The following USP48 variants were observed in gnomAD, a reference collection of about 807,000 sequenced individuals.
USP48 encodes the protein ubiquitin specific peptidase 48, also known as ubiquitin carboxyl-terminal hydrolase 48.
In USP48, 43 loss-of-function variants were observed where a neutral mutation model predicts 150.7. That is an observed-to-expected ratio of 0.29 (90% CI 0.22 to 0.37). The LOEUF is 0.37. USP48 is among the 10% of genes least tolerant of loss of function. The pLI, the probability that USP48 is intolerant of heterozygous loss-of-function variation, is 1.00. For synonymous variants in USP48, 396 were observed against 425.9 expected, an observed-to-expected ratio of 0.93 and a Z score of 0.86; for missense variants, 813 against 1,249.6, an observed-to-expected ratio of 0.65 and a Z score of 5.27.
At chr1:21,720,898 C>G in intron 14 of USP48, 138 bp downstream of exon 14, 1 of 1,154,102 alleles carries the variant, frequency 8.7e-7, no homozygotes, top group Admixed American at 2.3e-5. Context: ...GGGGCTGGCA[C>G]AACCGCTGGG....
At chr1:21,720,530 T>C (rs2097717391) in intron 14 of USP48, among the ~76,000 whole-genome samples, 2 of 148,134 alleles carry the variant, frequency 1.4e-5, no homozygotes, top group Non-Finnish European at 3.0e-5. Flanking sequence ...TTTTTCTTTT[T>C]CTTTTTTTTT....
At position 21,700,439 on chromosome 1, in the gene USP48, C is replaced by T. The variant is rs1015922483; in HGVS notation, c.2727+1059G>A. On this transcript the variant is annotated intron_variant, in intron 22 of 26. Transcript: ENST00000308271. ...GGGCACACCAAGATTCAAATCAAGACGGCTTTTCAGACTCTCTCAATCAAT... is the reference window on the plus strand; with the variant it reads ...GGGCACACCAAGATTCAAATCAAGATGGCTTTTCAGACTCTCTCAATCAAT... Among the ~76,000 whole-genome samples, 6 of 152,168 alleles carry T rather than the reference C, an allele frequency of 3.9e-5. No individual in the cohort carries two copies. In the South Asian group the frequency reaches 1.2e-3, roughly 32 times the overall value.
intron 1 of USP48, among the ~76,000 whole-genome samples, chr1:21,758,361 T>C (rs1201920579): frequency 6.6e-6 from 1 of 152,186 alleles, no homozygotes; most frequent in South Asian, 2.1e-4. Context: ...AAAATATACA[T>C]GTACATATTT....
chr1:21,754,444 G>C (rs2097826120), intron 3 of USP48, among the ~76,000 whole-genome samples: 1 of 152,180 alleles, frequency 6.6e-6, no homozygotes, highest in Non-Finnish European at 1.5e-5. Context: ...CAGAAAGCAT[G>C]GATATTGAGA....
At chr1:21,747,758 A>G (rs1028683958) in intron 7 of USP48, among the ~76,000 whole-genome samples, 2 of 151,990 alleles carry the variant, frequency 1.3e-5, no homozygotes, top group African/African-American at 4.8e-5. Context: ...TTTTTAGTAG[A>G]GACGGGGTTT....
intron 8 of USP48, among the ~76,000 whole-genome samples, chr1:21,744,369 C>T (rs1316125517): frequency 6.6e-6 from 1 of 151,834 alleles, no homozygotes; most frequent in Non-Finnish European, 1.5e-5. Context: ...ATTGCTTGAA[C>T]CCAGGAGGTG....
At position 21,751,612 on chromosome 1, in the gene USP48, G is replaced by A; in HGVS notation, c.669C>T (p.Cys223=). Residue 223 remains cysteine, a synonymous_variant, in exon 6 of 27, where the codon TGC becomes TGT. Coordinates refer to ENST00000308271, the MANE Select transcript of USP48 (RefSeq NM_032236.8). The stretch of plus-strand genomic sequence containing the variant: ...GCTTAGACTCTCTGCCACACTGGTT[G>A]CAACTATAATAAAACAGAACGACAA... ...FCGEYAYVTV[C]NQCGRESKLL... is the part of the protein sequence containing the mutation. The A allele has an allele frequency of 6.2e-7, 1 of 1,613,042 alleles. No individual in the cohort carries two copies. The highest frequency in any genetic ancestry group is 1.3e-5 in the African/African-American group (1 of 74,988).
chr1:21,732,644 TAC>T, intron 9 of USP48: 1 of 338,084 alleles, frequency 3.0e-6, no homozygotes, highest in Middle Eastern at 4.0e-4. Flanking sequence ...TTTAGAGCTT[TAC>T]AGTCACAAAA....
At chr1:21,728,524 C>A (rs749122949) in intron 11 of USP48, 46 bp downstream of exon 11, 2 of 1,572,048 alleles carry the variant, frequency 1.3e-6, no homozygotes, top group Non-Finnish European at 8.6e-7. Flanking sequence ...CATAAAAAAA[C>A]AAGGCACTTA....
In USP48 at chr1:21,729,826, G is replaced by T; in HGVS notation, c.1178C>A (p.Pro393His). Residue 393 changes from proline (P) to histidine (H), a missense_variant, in exon 10 of 27, where the codon CCT becomes CAT. Transcript: ENST00000308271. ...GGGTTTACGTGTCTGAGACTTAGAA[G>T]GTTCTGCTGAGATAGAGAAATCAAA... ...QLGIEEDLAE[P>H]SKSQTRKPKC... 1 of 1,614,028 alleles carries T rather than the reference G, an allele frequency of 6.2e-7. No individual in the cohort carries two copies. Among genetic ancestry groups the T allele is most frequent in the Non-Finnish European group, 8.5e-7 (1 of 1,179,946 alleles).
chr1:21,685,570 C>T (rs978731218), intron 25 of USP48, among the ~76,000 whole-genome samples: 6 of 152,326 alleles, frequency 3.9e-5, no homozygotes, highest in African/African-American at 1.4e-4. Flanking sequence ...TTGCCTCACC[C>T]TCCCAAAGTG....
Position 21,733,565 on chromosome 1 carries a change from G to A in USP48, c.1171+2881C>T, listed in dbSNP as rs995181601. ...ATTTTCTATTTTTGATTTAAAAGAT[G>A]AAAGCTAAAATATATGCTGCATAAA... On this transcript the variant is annotated intron_variant, in intron 9 of 26. Transcript: ENST00000308271. 2.6e-5 allele frequency among the ~76,000 whole-genome samples: 4 copies of A among 152,180 alleles called. No homozygotes were observed. In the East Asian group the frequency reaches 7.7e-4, roughly 29 times the overall value.
chr1:21,697,082 A>C (rs2152507874), intron 22 of USP48, among the ~76,000 whole-genome samples: 1 of 152,276 alleles, frequency 6.6e-6, no homozygotes, highest in Non-Finnish European at 1.5e-5. Flanking sequence ...TGTATAAGCA[A>C]AGTGGTTTAA....
Position 21,782,928 on chromosome 1 carries a change from C to T in USP48, c.30G>A (p.Ala10=). 2.6e-6 allele frequency: 4 copies of T among 1,549,648 alleles called. No individual in the cohort carries two copies. The highest frequency in any genetic ancestry group is 3.5e-6 in the Non-Finnish European group (4 of 1,149,250). Residue 10 remains alanine (A), a synonymous_variant, in exon 1 of 27, where the codon GCG becomes GCA. Coordinates refer to ENST00000308271, the MANE Select transcript of USP48 (RefSeq NM_032236.8). ...GCACCGTCTCCGCCCAGCGCCAGGCCGCCTTCTCCAGCTGCAGCCGCGGGG... is the reference window on the plus strand; with the variant it reads ...GCACCGTCTCCGCCCAGCGCCAGGCTGCCTTCTCCAGCTGCAGCCGCGGGG... MAPRLQLEK[A]AWRWAETVRP...
intron 8 of USP48, 54 bp downstream of exon 8, chr1:21,747,013 C>A: frequency 7.2e-7 from 1 of 1,386,518 alleles, no homozygotes; most frequent in South Asian, 1.3e-5. Flanking sequence ...ACAAGCCGAT[C>A]ACAAGTTAGA....
At chr1:21,779,861 A>T (rs1404983420) in intron 1 of USP48, among the ~76,000 whole-genome samples, 2 of 152,156 alleles carry the variant, frequency 1.3e-5, no homozygotes, top group Non-Finnish European at 2.9e-5. Context: ...TCAAAACTAC[A>T]AAGATGCATC....
chr1:21,769,368 T>C (rs1039569396), intron 1 of USP48, among the ~76,000 whole-genome samples: 1 of 151,626 alleles, frequency 6.6e-6, no homozygotes, highest in Non-Finnish European at 1.5e-5. Context: ...ACAATAGACG[T>C]TGGGGTCTTA....
intron 25 of USP48, chr1:21,686,977 T>TA (rs1412244971): frequency 1.8e-6 from 1 of 568,032 alleles, no homozygotes; most frequent in African/African-American, 1.9e-5. Context: ...AGCTCACATT[T>TA]ATTTCAGTTT....
chr1:21,777,972 CAAAA>C (rs34374350), intron 1 of USP48, among the ~76,000 whole-genome samples: 11 of 118,890 alleles, frequency 9.3e-5, no homozygotes, highest in Non-Finnish European at 8.5e-5. Context: ...CTAAATATAC[CAAAA>C]AAAAAAAAAA....
Sources: gnomAD v4.1 joint callset for allele counts (sites outside exome capture counted in the v4.1 genomes callset) on GRCh38, gnomAD v4.1.1 for gene constraint, MANE v1.5 for transcripts, NCBI Gene and HGNC (gene_info 2026-07-23, HGNC 2026-07-21) for gene names.